NR3C1: variants seen among roughly 807,000 people sequenced by gnomAD.
The protein encoded by NR3C1 is nuclear receptor subfamily 3 group C member 1, also known as glucocorticoid receptor.
A neutral mutation model predicts 74.0 loss-of-function variants in NR3C1; 14 were observed. That is an observed-to-expected ratio of 0.19 (90% confidence interval 0.12 to 0.30). NR3C1 has a LOEUF of 0.30. NR3C1 is among the 10% of genes least tolerant of loss of function. The probability of loss-of-function intolerance (pLI) is 1.00; values close to 1 mark genes in which losing one functional copy is unlikely to be tolerated. For missense variants in NR3C1, 695 were observed against 909.8 expected (o/e 0.76, Z 3.04); for synonymous variants, 308 against 332.5 (o/e 0.93, Z 0.80).
intron 1 of NR3C1, among the ~76,000 whole-genome samples, chr5:143,429,663 A>G (rs1037545789): frequency 2.0e-5 from 3 of 152,242 alleles, no homozygotes; most frequent in African/African-American, 7.2e-5. Flanking sequence ...AAAAGAGCCA[A>G]ATATTTATAA....
chr5:143,411,743 T>A (rs1841300518), intron 1 of NR3C1, among the ~76,000 whole-genome samples: 1 of 152,222 alleles, frequency 6.6e-6, no homozygotes, highest in East Asian at 1.9e-4. Flanking sequence ...AACACATAGA[T>A]ACTCTGTTCC....
intron 7 of NR3C1, among the ~76,000 whole-genome samples, chr5:143,286,446 A>G (rs1260093356): frequency 6.6e-6 from 1 of 152,170 alleles, no homozygotes; most frequent in Non-Finnish European, 1.5e-5. Flanking sequence ...AGGCTAGTCA[A>G]TTACTCAGAA....
chr5:143,280,820 C>G lies in NR3C1; in HGVS notation c.*1069G>C, dbSNP rs146445484. 30 of 152,276 alleles carry G rather than the reference C, an allele frequency of 2.0e-4. No homozygotes were observed. Among genetic ancestry groups the G allele is most frequent in the African/African-American group, 7.0e-4 (29 of 41,568 alleles). 9.4% of individuals were successfully genotyped at this position (152,276 alleles called of 1,614,324 possible). A position where few individuals can be genotyped will look rare whatever the true frequency, so the allele number is the denominator to read the frequency against. On this transcript the variant is annotated 3_prime_UTR_variant, in exon 9 of 9. Transcript: ENST00000394464. ...AATTACTTTGTCTGATTAAAAGTCT[C>G]TCAGCTGTGTTACAGCTGGTTATCT... is the stretch of plus-strand genomic sequence containing the variant.
At chr5:143,338,662 T>C (rs1458083761) in intron 2 of NR3C1, among the ~76,000 whole-genome samples, 1 of 152,204 alleles carries the variant, frequency 6.6e-6, no homozygotes, top group Non-Finnish European at 1.5e-5. Context: ...AAGCTAAGTG[T>C]TACTAAAAAG....
chr5:143,319,066 A>C (rs1422439308), intron 2 of NR3C1, among the ~76,000 whole-genome samples: 1 of 151,702 alleles, frequency 6.6e-6, no homozygotes, highest in African/African-American at 2.4e-5. Flanking sequence ...TTAAGGGGAG[A>C]CTCCCAGGGC....
chr5:143,424,863 A>C (rs1421092901), intron 1 of NR3C1, among the ~76,000 whole-genome samples: 2 of 152,200 alleles, frequency 1.3e-5, no homozygotes, highest in Non-Finnish European at 2.9e-5. Context: ...GCCTTTCTGA[A>C]ATTGTCCTCC....
At chr5:143,291,088 C>T (rs1016838325) in intron 7 of NR3C1, among the ~76,000 whole-genome samples, 3 of 152,082 alleles carry the variant, frequency 2.0e-5, no homozygotes, top group Admixed American at 1.3e-4. Flanking sequence ...ATCCTTGAAA[C>T]TTACTTTAGT....
Position 143,332,686 on chromosome 5 carries a change from A to C in NR3C1, c.1185-18518T>G, listed in dbSNP as rs1826234038. The C allele has an allele frequency of 5.7e-6, 9 of 1,581,134 alleles. No homozygotes were observed. The Admixed American group carries it at 1.5e-4, about 26-fold the overall frequency. On this transcript the variant is annotated intron_variant, in intron 2 of 8. Coordinates refer to ENST00000394464, the MANE Select transcript of NR3C1 (RefSeq NM_000176.3). ...TTCCTACATGATTCCTGGCGGCAGA[A>C]ACGTGACAAGGTGCGTCTCAGACGA...
chr5:143,382,302 T>C lies in NR3C1; in HGVS notation c.1184+17354A>G, dbSNP rs1046645602. 8.5e-5 allele frequency among the ~76,000 whole-genome samples: 13 copies of C among 152,254 alleles called. 1 individual carries two copies. In the East Asian group the frequency reaches 2.3e-3, roughly 27 times the overall value. ...ACCCCATAAATATATATGCCTACTA[T>C]ATACCCATAAAAATTAAAAATAAAT... On this transcript the variant is annotated intron_variant, in intron 2 of 8. Transcript: ENST00000394464.
At chr5:143,388,962 T>A (rs1016711692) in intron 2 of NR3C1, among the ~76,000 whole-genome samples, 1 of 152,234 alleles carries the variant, frequency 6.6e-6, no homozygotes, top group Non-Finnish European at 1.5e-5. Context: ...ATGTACTCAG[T>A]CCTCATCTAG....
rs1353855191 is a variant in NR3C1, at chr5:143,347,596, T to C, written c.1185-33428A>G. On this transcript the variant is annotated intron_variant, in intron 2 of 8. Coordinates refer to ENST00000394464, the MANE Select transcript of NR3C1 (RefSeq NM_000176.3). ...GAACTGGAGATTGCCAAGGGCTAAC[T>C]TAAGTGTTAATTTTTGCTACACAAG... is the stretch of plus-strand genomic sequence containing the variant. 2.6e-5 allele frequency among the ~76,000 whole-genome samples: 4 copies of C among 152,330 alleles called. No individual in the cohort carries two copies. The East Asian group carries it at 7.7e-4, about 29-fold the overall frequency.
chr5:143,329,846 T>C (rs1204168185), intron 2 of NR3C1, among the ~76,000 whole-genome samples: 2 of 152,216 alleles, frequency 1.3e-5, no homozygotes, highest in Non-Finnish European at 2.9e-5. Context: ...TGTTCTAAAA[T>C]TCAATACTTT....
At chr5:143,296,281 T>A (rs966794485) in intron 6 of NR3C1, among the ~76,000 whole-genome samples, 2 of 152,100 alleles carry the variant, frequency 1.3e-5, no homozygotes, top group African/African-American at 2.4e-5. Context: ...TCAAGATTTT[T>A]TTTTTTTTTT....
upstream of NR3C1, chr5:143,403,702 C>T: frequency 1.0e-6 from 1 of 983,676 alleles, no homozygotes. Flanking sequence ...GGCGCGCACA[C>T]ACTCGCACAC....
chr5:143,346,625 C>T (rs1450820396), intron 2 of NR3C1, among the ~76,000 whole-genome samples: 1 of 152,176 alleles, frequency 6.6e-6, no homozygotes, highest in Non-Finnish European at 1.5e-5. Flanking sequence ...ACAAGGAGAT[C>T]GCCACCAAAA....
chr5:143,355,498 T>A (rs1830972322), intron 2 of NR3C1, among the ~76,000 whole-genome samples: 1 of 151,838 alleles, frequency 6.6e-6, no homozygotes, highest in Admixed American at 6.6e-5. Flanking sequence ...AATAAATAAA[T>A]AAATACATCT....
chr5:143,405,332 A>T (rs1600656392), upstream of NR3C1: 1 of 984,476 alleles, frequency 1.0e-6, no homozygotes, highest in African/African-American at 1.8e-5. Context: ...CCACTCTCTC[A>T]CCTCCCGCCG....
intron 2 of NR3C1, among the ~76,000 whole-genome samples, chr5:143,369,645 CA>C (rs1189747489): frequency 6.6e-6 from 1 of 152,144 alleles, no homozygotes; most frequent in Non-Finnish European, 1.5e-5. Flanking sequence ...CCAGAATAGG[CA>C]AATCCATAGA....
chr5:143,350,972 G>GT (rs1221315106), intron 2 of NR3C1, among the ~76,000 whole-genome samples: 3 of 152,172 alleles, frequency 2.0e-5, no homozygotes, highest in African/African-American at 7.2e-5. Context: ...TGTGAATGGA[G>GT]TGGAAGCAGA....
Sources: gnomAD v4.1 joint callset for allele counts (sites outside exome capture counted in the v4.1 genomes callset) on GRCh38, gnomAD v4.1.1 for gene constraint, MANE v1.5 for transcripts, NCBI Gene and HGNC (gene_info 2026-07-23, HGNC 2026-07-21) for gene names.